DMXL2: variants seen among roughly 807,000 people sequenced by gnomAD.
DMXL2 encodes Dmx like 2.
In DMXL2, 103 loss-of-function variants were observed where a neutral mutation model predicts 331.1. The ratio of observed to expected loss-of-function variants is 0.31; its 90% CI spans 0.27 to 0.37. The LOEUF is 0.37. Ranked by LOEUF, DMXL2 falls within the 10% of genes least tolerant of loss-of-function variation. The pLI is 1.00. For synonymous variants in DMXL2, 1,281 were observed against 1,252.1 expected, an observed-to-expected ratio of 1.02 and a Z score of -0.49; for missense variants, 3,171 against 3,642.9, an observed-to-expected ratio of 0.87 and a Z score of 3.33.
chr15:51,452,305 C>T (rs532523939), intron 41 of DMXL2, among the ~76,000 whole-genome samples: 1 of 152,206 alleles, frequency 6.6e-6, no homozygotes, highest in Admixed American at 6.5e-5. Flanking sequence ...TAAACTAAAA[C>T]ACTTCTGCAC....
intron 6 of DMXL2, among the ~76,000 whole-genome samples, chr15:51,560,327 G>A (rs2049872153): frequency 6.6e-6 from 1 of 151,902 alleles, no homozygotes; most frequent in South Asian, 2.1e-4. Flanking sequence ...AACTGGGGGA[G>A]GAGTAGTACA....
Position 51,488,004 on chromosome 15 carries a change from G to T in DMXL2, c.5167C>A (p.Gln1723Lys), listed in dbSNP as rs1416974276. ...GCTAGCAAGAAAAAAGCAGCCGATT[G>T]TTCAAAGCGTTGTTTTCCAAGTAAG... ...FSLLGKQRFE[Q>K]SAAFFLLAGS... is the part of the protein sequence containing the mutation. Residue 1723 changes from glutamine (Q) to lysine (K), a missense_variant, in exon 22 of 44, where the codon CAA becomes AAA. By Grantham distance (53) the Gln-to-Lys change is moderately conservative (BLOSUM62 1). Around this residue, in one of 7 missense-constraint regions of DMXL2, gnomAD observed 252 missense variants for 387.4 expected, o/e 0.65. Transcript: ENST00000560891. The T allele has an allele frequency of 1.2e-6, 2 of 1,613,106 alleles. No individual in the cohort carries two copies. The highest frequency in any genetic ancestry group is 1.7e-6 in the Non-Finnish European group (2 of 1,179,598).
At chr15:51,484,648 C>A (rs1217843527) in intron 23 of DMXL2, among the ~76,000 whole-genome samples, 1 of 151,974 alleles carries the variant, frequency 6.6e-6, no homozygotes, top group African/African-American at 2.4e-5. Flanking sequence ...AACACACCAA[C>A]CATGAGAAAG....
Position 51,488,116 on chromosome 15 carries a change from T to G in DMXL2, c.5055A>C (p.Ser1685=). Residue 1685 remains serine (S), a synonymous_variant, in exon 22 of 44, where the codon TCA becomes TCC. Transcript: ENST00000560891. ...ATGTTGTCATTTTTTCATCATGCTG[T>G]GACCTGGGGACCGAGCATAAACATA... ...KKAVVWGLFR[S]QHDEKMTTFF... is the part of the protein sequence containing the mutation. 6.2e-7 allele frequency: 1 copy of G among 1,604,104 alleles called. No homozygotes were observed. Among genetic ancestry groups the G allele is most frequent in the Non-Finnish European group, 8.5e-7 (1 of 1,175,608 alleles).
At chr15:51,534,727 A>G (rs1291226728) in intron 13 of DMXL2, among the ~76,000 whole-genome samples, 1 of 152,202 alleles carries the variant, frequency 6.6e-6, no homozygotes, top group Non-Finnish European at 1.5e-5. Context: ...TTACACATGT[A>G]CTTTCCTGTA....
chr15:51,456,296 C>T lies in DMXL2; in HGVS notation c.8398+13G>A, dbSNP rs1280419908. 1.3e-6 allele frequency: 2 copies of T among 1,596,544 alleles called. No homozygotes were observed. The highest frequency in any genetic ancestry group is 1.7e-6 in the Non-Finnish European group (2 of 1,172,018). On this transcript the variant is annotated intron_variant, in intron 38 of 43. Coordinates refer to ENST00000560891, the MANE Select transcript of DMXL2 (RefSeq NM_001378457.1). ...ATGAGGACACTTACAATTATTAGGT[C>T]ATAAATACTTACAGTATTGATGGAC... is the stretch of plus-strand genomic sequence containing the variant.
At chr15:51,490,430 A>T (rs1466192456) in intron 20 of DMXL2, among the ~76,000 whole-genome samples, 1 of 152,244 alleles carries the variant, frequency 6.6e-6, no homozygotes, top group Non-Finnish European at 1.5e-5. Flanking sequence ...CCTTCGGAGA[A>T]ACAAATTCAT....
intron 1 of DMXL2, among the ~76,000 whole-genome samples, chr15:51,591,491 C>A (rs1029847821): frequency 6.6e-6 from 1 of 152,202 alleles, no homozygotes; most frequent in East Asian, 1.9e-4. Flanking sequence ...CCTCTGTAGA[C>A]TCCACCTGTG....
chr15:51,512,344 CAT>C (rs2046804962), intron 15 of DMXL2, among the ~76,000 whole-genome samples: 1 of 151,928 alleles, frequency 6.6e-6, no homozygotes, highest in Non-Finnish European at 1.5e-5. Context: ...AACAAAAACA[CAT>C]AAACAAACAA....
At chr15:51,518,279 G>A (rs1256934885) in intron 13 of DMXL2, among the ~76,000 whole-genome samples, 1 of 152,130 alleles carries the variant, frequency 6.6e-6, no homozygotes, top group Non-Finnish European at 1.5e-5. Context: ...GTTGCAGTGA[G>A]CCGAGATTGC....
At chr15:51,604,244 G>T (rs1202044285) in intron 1 of DMXL2, among the ~76,000 whole-genome samples, 1 of 119,574 alleles carries the variant, frequency 8.4e-6, no homozygotes, top group Non-Finnish European at 1.8e-5. Flanking sequence ...GAATAAAAAA[G>T]AATCTTCTCA....
In DMXL2 at chr15:51,480,624, T is replaced by C; in HGVS notation, c.6482A>G (p.Tyr2161Cys). 6.2e-7 allele frequency: 1 copy of C among 1,607,508 alleles called. No homozygotes were observed. The highest frequency in any genetic ancestry group is 8.5e-7 in the Non-Finnish European group (1 of 1,175,212). Residue 2161 changes from tyrosine to cysteine, a missense_variant, in exon 24 of 44, where the codon TAC (tyrosine) becomes TGC (cysteine). Coordinates refer to ENST00000560891, the MANE Select transcript of DMXL2 (RefSeq NM_001378457.1). ...ACCTTGGGCCCCATGAAGGCTACAG[T>C]AGCTGAGAAATACTCTCAGGAGATC... ...NQDLLRVFLS[Y>C]CSLHGAQGGG...
intron 15 of DMXL2, among the ~76,000 whole-genome samples, chr15:51,513,964 C>A (rs1463822938): frequency 1.3e-5 from 2 of 152,064 alleles, no homozygotes; most frequent in Non-Finnish European, 2.9e-5. Flanking sequence ...GGAAAAAATA[C>A]CACACTTCAA....
At position 51,547,423 on chromosome 15, in the gene DMXL2, G is replaced by T; in HGVS notation, c.568-15C>A. ...AGACAATCATCCTGAAAAATACATA[G>T]GTCAATATAAAATTAATTTGTACAT... On this transcript the variant is annotated splice_polypyrimidine_tract_variant and intron_variant, in intron 6 of 43. Transcript: ENST00000560891. 1 of 1,540,304 alleles carries T rather than the reference G, an allele frequency of 6.5e-7. No homozygotes were observed.
intron 13 of DMXL2, among the ~76,000 whole-genome samples, chr15:51,519,633 CTTGTTTTTT>C (rs2047230958): frequency 8.5e-6 from 1 of 118,318 alleles, no homozygotes; most frequent in East Asian, 2.3e-4. Context: ...GACAAAGTCT[CTTGTTTTTT>C]TTTTTTTTTT....
In DMXL2 at chr15:51,612,875, G is replaced by A. The variant is rs145084825; in HGVS notation, c.87+9584C>T. Among the ~76,000 whole-genome samples, 120 of 152,268 alleles carry A rather than the reference G, an allele frequency of 7.9e-4. 1 individual carries two copies. The highest frequency in any genetic ancestry group is 5.6e-3 in the South Asian group (27 of 4,826). On this transcript the variant is annotated intron_variant, in intron 1 of 43. Transcript: ENST00000560891. ...CTTATTTCATCCCCCATCTATGACC[G>A]TAAAAGACAGCCAGCCCCAAAGCAG... is the stretch of plus-strand genomic sequence containing the variant.
In DMXL2 at chr15:51,480,982, GT is replaced by G; in HGVS notation, c.6123del (p.Gln2041HisfsTer2). On this transcript the variant is annotated frameshift_variant, in exon 24 of 44. Coordinates refer to ENST00000560891, the MANE Select transcript of DMXL2 (RefSeq NM_001378457.1). LOFTEE classifies it high-confidence loss of function. ...ATCTTTAAACAAGCTCTGAATTTTA[GT>G]TGTTCAGCAATCACATCAACTTCAG... Reference protein sequence around the residue: ...GDTEVDVIAEQLKFRACLKIL... With the variant: ...GDTEVDVIAEXLKFRACLKIL... 6.2e-7 allele frequency: 1 copy of G among 1,614,056 alleles called. No individual in the cohort carries two copies. The highest frequency in any genetic ancestry group is 8.5e-7 in the Non-Finnish European group (1 of 1,179,986).
intron 33 of DMXL2, among the ~76,000 whole-genome samples, chr15:51,462,896 G>C (rs1024105005): frequency 1.3e-5 from 2 of 152,106 alleles, no homozygotes; most frequent in Non-Finnish European, 1.5e-5. Context: ...CTTTGTAAGA[G>C]CAATCTTCCT....
intron 42 of DMXL2, 114 bp from the exon 43 acceptor site, chr15:51,450,460 T>A: frequency 9.9e-7 from 1 of 1,005,440 alleles, no homozygotes; most frequent in Non-Finnish European, 1.5e-6. Flanking sequence ...CATTCTAAGG[T>A]ACATTTATTG....
Sources: gnomAD v4.1 joint callset for allele counts (sites outside exome capture counted in the v4.1 genomes callset) on GRCh38, gnomAD v4.1.1 for gene constraint, gnomAD v4.1.1 regional missense constraint, MANE v1.5 for transcripts, NCBI Gene and HGNC (gene_info 2026-07-23, HGNC 2026-07-21) for gene names.